Variants in ZNF79 observed in about 807,000 individuals in gnomAD.
ZNF79 encodes the protein zinc finger protein 79.
ZNF79 carries 13 observed loss-of-function variants against 14.9 expected under a neutral mutation model. The ratio of observed to expected loss-of-function variants is 0.87; its 90% CI spans 0.57 to 1.38. The LOEUF is 1.38. Ranked by LOEUF, ZNF79 falls within the 40% of genes most tolerant of loss-of-function variation. The pLI is 0.00. For synonymous variants in ZNF79, 223 were observed against 235.1 expected (o/e 0.95, Z 0.47); for missense variants, 631 against 630.6 (o/e 1.00, Z -0.01).
At chr9:127,426,517 G>A (rs62586845) in intron 1 of ZNF79, among the ~76,000 whole-genome samples, 64,314 of 151,846 alleles carry the variant, frequency 0.42, 14,564 homozygotes, top group Non-Finnish European at 0.5. Flanking sequence ...TGGGATTACA[G>A]GCACCCGCCA....
intron 1 of ZNF79, 94 bp downstream of exon 1, chr9:127,424,897 T>C: frequency 6.3e-7 from 1 of 1,585,692 alleles, no homozygotes; most frequent in Non-Finnish European, 8.6e-7. Context: ...GAACTCTCTT[T>C]ATCTCTCCTA....
rs761070280 is a variant in ZNF79, at chr9:127,444,311, A to G, written c.611A>G (p.Tyr204Cys). ...AATGAATGTGGCAAAGCCTTCAGTT[A>G]CTGTTCTTCCCTTTCTCAGCATCAG... ...ACNECGKAFS[Y>C]CSSLSQHQKS... The change falls in exon 5 of 5, where the codon TAC becomes TGC. Residue 204 changes from tyrosine to cysteine, a missense_variant. By Grantham distance (194) the Tyr-to-Cys change is radical (BLOSUM62 -2). Coordinates refer to ENST00000342483, the MANE Select transcript of ZNF79 (RefSeq NM_007135.3). The G allele has an allele frequency of 1.2e-6, 2 of 1,614,116 alleles. No individual in the cohort carries two copies. Among genetic ancestry groups the G allele is most frequent in the Non-Finnish European group, 1.7e-6 (2 of 1,180,056 alleles).
rs76402977 is a variant in ZNF79 at position 127,441,234 on chromosome 9, G to C, written c.329-2795G>C. ...CTGGGGGCATTGGTGTGCACTTGCA[G>C]TTCTGAGGGAAGCCTACTTAATGCT... is the stretch of plus-strand genomic sequence containing the variant. On this transcript the variant is annotated intron_variant, in intron 4 of 4. Coordinates refer to ENST00000342483, the MANE Select transcript of ZNF79 (RefSeq NM_007135.3). Among the ~76,000 whole-genome samples the C allele has an allele frequency of 1.8e-4, 27 of 152,296 alleles. 1 individual carries two copies. The East Asian group carries it at 3.9e-3, about 22-fold the overall frequency.
In ZNF79 at chr9:127,431,681, C is replaced by T. The variant is rs188893194; in HGVS notation, c.105+2761C>T. ...GAACCAAGGTCAAGAAGGGTATTTC[C>T]TTGGTTTTCTCCTATGGTTTTTATA... On this transcript the variant is annotated intron_variant, in intron 2 of 4. Coordinates refer to ENST00000342483, the MANE Select transcript of ZNF79 (RefSeq NM_007135.3). 6.3e-4 allele frequency among the ~76,000 whole-genome samples: 96 copies of T among 152,270 alleles called. 1 individual carries two copies. Among genetic ancestry groups the T allele is most frequent in the Admixed American group, 2.0e-3 (30 of 15,280 alleles).
chr9:127,424,856 G>T (rs1417287903), intron 1 of ZNF79, 53 bp downstream of exon 1: 1 of 1,610,964 alleles, frequency 6.2e-7, no homozygotes, highest in Non-Finnish European at 8.5e-7. Context: ...TGCTTCGTTT[G>T]CCCACGACTG....
chr9:127,444,025 TCAGGC>T lies in ZNF79; in HGVS notation c.329-3_330del. ...AACACAACAGCTTTTCATTTTTTTT[TCAGGC>T]TGGAAGATTATATCTGGATCACCAC... On this transcript the variant is annotated splice_acceptor_variant and splice_polypyrimidine_tract_variant and coding_sequence_variant and intron_variant, in exon 5 of 5. Coordinates refer to ENST00000342483, the MANE Select transcript of ZNF79 (RefSeq NM_007135.3). LOFTEE classifies it high-confidence loss of function. The T allele has an allele frequency of 1.9e-6, 3 of 1,561,844 alleles. No homozygotes were observed. Among genetic ancestry groups the T allele is most frequent in the Admixed American group, 1.9e-5 (1 of 53,098 alleles).
chr9:127,439,200 C>CA (rs1199879393), intron 4 of ZNF79, among the ~76,000 whole-genome samples: 2 of 147,330 alleles, frequency 1.4e-5, no homozygotes, highest in South Asian at 2.2e-4. Flanking sequence ...CACACACACA[C>CA]ACACAACGCG....
At chr9:127,443,288 T>A (rs1834082281) in intron 4 of ZNF79, among the ~76,000 whole-genome samples, 1 of 151,612 alleles carries the variant, frequency 6.6e-6, no homozygotes, top group Non-Finnish European at 1.5e-5. Flanking sequence ...GGTGGTATGC[T>A]CCTTTAGTTC....
At chr9:127,433,486 G>T (rs142391279) in intron 2 of ZNF79, among the ~76,000 whole-genome samples, 1 of 152,150 alleles carries the variant, frequency 6.6e-6, no homozygotes, top group Admixed American at 6.5e-5. Flanking sequence ...GGTTAATACC[G>T]TGTGTTATCT....
chr9:127,437,538 A>G, intron 4 of ZNF79, among the ~76,000 whole-genome samples: 1 of 151,782 alleles, frequency 6.6e-6, no homozygotes, highest in South Asian at 2.1e-4. Flanking sequence ...TGGGGCTCTC[A>G]TAAGAAATAA....
At chr9:127,437,239 A>G (rs1833964470) in intron 4 of ZNF79, among the ~76,000 whole-genome samples, 1 of 151,836 alleles carries the variant, frequency 6.6e-6, no homozygotes, top group African/African-American at 2.4e-5. Flanking sequence ...AGACTGTTGC[A>G]TGTTACCTCC....
Position 127,424,671 on chromosome 9 carries a change from G to A in ZNF79, c.-117G>A, listed in dbSNP as rs1833716939. The A allele has an allele frequency of 1.3e-6, 2 of 1,507,460 alleles. No homozygotes were observed. Among genetic ancestry groups the A allele is most frequent in the Admixed American group, 3.7e-5 (2 of 54,282 alleles). 93.4% of individuals were successfully genotyped at this position (1,507,460 alleles called of 1,614,324 possible). On this transcript the variant is annotated 5_prime_UTR_variant, in exon 1 of 5. Transcript: ENST00000342483. ...GCCTCTGCGGGGAGAGGCTGGAGAGGAAGAGTCCGGCCTGGGAGCCGTCAG... is the reference window on the plus strand; with the variant it reads ...GCCTCTGCGGGGAGAGGCTGGAGAGAAAGAGTCCGGCCTGGGAGCCGTCAG...
rs1370385246 is a variant in ZNF79 at position 127,424,783 on chromosome 9, C to G, written c.-5C>G. On this transcript the variant is annotated 5_prime_UTR_variant, in exon 1 of 5. Transcript: ENST00000342483. ...TGGGAGGCTGTGGCGCGAGGCGGGACTCAAATGCTGGAGGAAGGAGGTGAG... is the reference window on the plus strand; with the variant it reads ...TGGGAGGCTGTGGCGCGAGGCGGGAGTCAAATGCTGGAGGAAGGAGGTGAG... 6.2e-7 allele frequency: 1 copy of G among 1,613,856 alleles called. No homozygotes were observed. The highest frequency in any genetic ancestry group is 8.5e-7 in the Non-Finnish European group (1 of 1,180,008).
chr9:127,433,842 C>G (rs943733272), intron 2 of ZNF79, among the ~76,000 whole-genome samples: 1 of 152,170 alleles, frequency 6.6e-6, no homozygotes, highest in Admixed American at 6.5e-5. Flanking sequence ...TCATTCTCAG[C>G]TCTTCTCTCA....
chr9:127,440,543 G>A (rs1252214504), intron 4 of ZNF79, among the ~76,000 whole-genome samples: 1 of 152,158 alleles, frequency 6.6e-6, no homozygotes, highest in East Asian at 1.9e-4. Flanking sequence ...AGTCACCTAA[G>A]AAAATAAGCC....
chr9:127,444,416 A>G lies in ZNF79; in HGVS notation c.716A>G (p.His239Arg). 6.2e-7 allele frequency: 1 copy of G among 1,612,756 alleles called. No individual in the cohort carries two copies. The highest frequency in any genetic ancestry group is 1.1e-5 in the South Asian group (1 of 90,976). ...AGCCAGAGCTCATCTCTCATTCAGC[A>G]CCAGAGGATTCACACTGGAGAGAAG... The part of the protein sequence containing the change: ...AFSQSSSLIQ[H>R]QRIHTGEKPY... The change falls in exon 5 of 5, where the codon CAC becomes CGC. Residue 239 changes from histidine to arginine, a missense_variant. Transcript: ENST00000342483.
intron 1 of ZNF79, among the ~76,000 whole-genome samples, chr9:127,427,542 C>CTTTT (rs71378001): frequency 0.097 from 12,859 of 132,304 alleles, 1,040 homozygotes; most frequent in Admixed American, 0.24. Context: ...TAACTAAATT[C>CTTTT]TTTTTTTTTT....
Position 127,445,221 on chromosome 9 carries a change from A to G in ZNF79, c.*24A>G, listed in dbSNP as rs2131968405. The G allele has an allele frequency of 3.1e-6, 5 of 1,608,788 alleles. No homozygotes were observed. Among genetic ancestry groups the G allele is most frequent in the African/African-American group, 1.3e-5 (1 of 74,976 alleles). On this transcript the variant is annotated 3_prime_UTR_variant, in exon 5 of 5. Coordinates refer to ENST00000342483, the MANE Select transcript of ZNF79 (RefSeq NM_007135.3). Reference sequence around the variant, plus strand: ...AACTAGGAACATGGTAGAAGTGGAGAGAGTCCCGGACATGCCGACTCAGGA... The same window carrying G: ...AACTAGGAACATGGTAGAAGTGGAGGGAGTCCCGGACATGCCGACTCAGGA...
At chr9:127,435,332 A>C (rs1222347206) in intron 3 of ZNF79, 116 bp downstream of exon 3, 1 of 1,249,968 alleles carries the variant, frequency 8.0e-7, no homozygotes, top group African/African-American at 1.5e-5. Context: ...GATGGTGTTT[A>C]TTCCTCTTGT....
Sources: allele counts gnomAD v4.1 joint callset (sites outside exome capture counted in the v4.1 genomes callset), GRCh38; gene constraint gnomAD v4.1.1; transcripts MANE v1.5; gene names NCBI Gene and HGNC (gene_info 2026-07-23, HGNC 2026-07-21).